The following GALNT13 variants were observed in gnomAD, a reference collection of about 807,000 sequenced individuals.
The protein encoded by GALNT13 is polypeptide N-acetylgalactosaminyltransferase 13, also known as UDP-GalNAc:polypeptide N-acetylgalactosaminyltransferase 13.
Under a neutral mutation model 64.2 loss-of-function variants are expected in GALNT13, and 28 were observed. The ratio of observed to expected loss-of-function variants is 0.44; its 90% CI spans 0.32 to 0.60. The LOEUF is 0.60. Among genes scored for constraint, GALNT13 ranks in the 20% least tolerant of loss-of-function variants. The probability of loss-of-function intolerance (pLI) is 0.05; values close to 1 mark genes in which losing one functional copy is unlikely to be tolerated. For missense variants in GALNT13, 577 were observed against 669.8 expected, an observed-to-expected ratio of 0.86 and a Z score of 1.53; for synonymous variants, 214 against 224.6, an observed-to-expected ratio of 0.95 and a Z score of 0.42.
chr2:153,146,841 A>C, the GALNT13 span, among the ~76,000 whole-genome samples: 1 of 151,904 alleles, frequency 6.6e-6, no homozygotes, highest in Non-Finnish European at 1.5e-5. Context: ...CTATTTGCTC[A>C]TGGGATTTAT....
chr2:153,225,163 C>T, the GALNT13 span, among the ~76,000 whole-genome samples: 1 of 152,074 alleles, frequency 6.6e-6, no homozygotes, highest in Non-Finnish European at 1.5e-5. Context: ...TTCACAGATT[C>T]AAGGAGGGTT....
At chr2:154,406,526 C>G (rs558029028) in intron 10 of GALNT13, among the ~76,000 whole-genome samples, 1 of 152,132 alleles carries the variant, frequency 6.6e-6, no homozygotes, top group Non-Finnish European at 1.5e-5. Context: ...CAGGGAGCAT[C>G]CATTTGCTGT....
At chr2:153,994,305 C>G (rs1009087699) in intron 3 of GALNT13, among the ~76,000 whole-genome samples, 2 of 152,190 alleles carry the variant, frequency 1.3e-5, no homozygotes, top group African/African-American at 4.8e-5. Context: ...TTTTCTTAAT[C>G]CAGCCTATCA....
At chr2:154,191,768 C>T (rs1686591414) in intron 4 of GALNT13, among the ~76,000 whole-genome samples, 2 of 152,130 alleles carry the variant, frequency 1.3e-5, no homozygotes, top group African/African-American at 4.8e-5. Flanking sequence ...GGGCTTCGAC[C>T]CCACGGCAGT....
the GALNT13 span, among the ~76,000 whole-genome samples, chr2:153,578,534 A>G: frequency 4.6e-5 from 7 of 152,238 alleles, no homozygotes; most frequent in African/African-American, 1.4e-4. Context: ...ATTGGCAGCC[A>G]CCTTGACTGT....
chr2:153,921,640 G>T (rs570389957), intron 2 of GALNT13, among the ~76,000 whole-genome samples: 15 of 152,148 alleles, frequency 9.9e-5, no homozygotes, highest in Admixed American at 5.9e-4. Context: ...TAATAAAAAA[G>T]AATGCTTAAG....
At chr2:154,283,183 T>G (rs1692059795) in intron 8 of GALNT13, among the ~76,000 whole-genome samples, 1 of 152,184 alleles carries the variant, frequency 6.6e-6, no homozygotes, top group Non-Finnish European at 1.5e-5. Context: ...CTTGAATATA[T>G]GGAAAGTGGA....
intron 3 of GALNT13, among the ~76,000 whole-genome samples, chr2:154,038,846 G>A (rs1698814913): frequency 6.6e-6 from 1 of 151,954 alleles, no homozygotes; most frequent in African/African-American, 2.4e-5. Flanking sequence ...GAAAATATTT[G>A]CAAATTATTA....
chr2:153,376,635 A>G, the GALNT13 span, among the ~76,000 whole-genome samples: 1 of 152,164 alleles, frequency 6.6e-6, no homozygotes. Context: ...GGAAAGCAAG[A>G]GGTTAAAAAT....
the GALNT13 span, among the ~76,000 whole-genome samples, chr2:153,504,316 A>T: frequency 1.3e-5 from 2 of 152,196 alleles, no homozygotes; most frequent in South Asian, 4.1e-4. Context: ...GTATACAATC[A>T]TATAATCAGC....
chr2:154,364,658 T>C (rs1351025703), intron 9 of GALNT13, among the ~76,000 whole-genome samples: 2 of 46,408 alleles, frequency 4.3e-5, no homozygotes, highest in Admixed American at 1.6e-4. Context: ...TTGTTTTGTT[T>C]TGTTTTGTTT....
the GALNT13 span, among the ~76,000 whole-genome samples, chr2:153,156,926 C>G: frequency 1.3e-5 from 2 of 152,140 alleles, no homozygotes. Flanking sequence ...TCTGGTGTTT[C>G]TTAAATAGGA....
intron 4 of GALNT13, among the ~76,000 whole-genome samples, chr2:154,237,983 T>C (rs2105861360): frequency 6.6e-6 from 1 of 152,144 alleles, no homozygotes; most frequent in Admixed American, 6.5e-5. Flanking sequence ...AACAGCTGAC[T>C]GATTTATATG....
intron 2 of GALNT13, among the ~76,000 whole-genome samples, chr2:153,940,979 CA>C: frequency 6.6e-6 from 1 of 152,176 alleles, no homozygotes; most frequent in Admixed American, 6.5e-5. Flanking sequence ...AAAGCAAAAA[CA>C]AAAGCTTTTT....
the GALNT13 span, among the ~76,000 whole-genome samples, chr2:153,469,707 G>A: frequency 2.6e-5 from 4 of 152,010 alleles, no homozygotes; most frequent in African/African-American, 9.7e-5. Context: ...CATGAGAGAG[G>A]CTCCATCAAA....
intron 11 of GALNT13, among the ~76,000 whole-genome samples, chr2:154,433,564 A>G (rs1700798779): frequency 6.6e-6 from 1 of 151,836 alleles, no homozygotes; most frequent in East Asian, 1.9e-4. Flanking sequence ...GTGAGGAATA[A>G]AAAAAAAGCT....
chr2:153,479,930 C>A, the GALNT13 span, among the ~76,000 whole-genome samples: 1 of 152,148 alleles, frequency 6.6e-6, no homozygotes, highest in African/African-American at 2.4e-5. Flanking sequence ...TCCTTTTCCC[C>A]ATTACTCCCT....
At chr2:153,390,162 G>A in the GALNT13 span, among the ~76,000 whole-genome samples, 786 of 152,164 alleles carry the variant, frequency 5.2e-3, 5 homozygotes, top group African/African-American at 0.018. Flanking sequence ...TCTTTTGCAG[G>A]GACATGGATG....
At chr2:153,923,509 A>T (rs1574124112) in intron 2 of GALNT13, among the ~76,000 whole-genome samples, 1 of 151,426 alleles carries the variant, frequency 6.6e-6, no homozygotes, top group Admixed American at 6.6e-5. Context: ...TTGGAATCTG[A>T]TTTTTTTTGT....
Sources: allele counts gnomAD v4.1 joint callset (sites outside exome capture counted in the v4.1 genomes callset), GRCh38; gene constraint gnomAD v4.1.1; transcripts MANE v1.5; gene names NCBI Gene and HGNC (gene_info 2026-07-23, HGNC 2026-07-21).